Variants in DCDC2C observed in about 807,000 individuals in gnomAD.
The protein encoded by DCDC2C is doublecortin domain-containing protein 2C.
Under a neutral mutation model 45.0 loss-of-function variants are expected in DCDC2C, and 44 were observed. The observed-to-expected ratio is 0.98, with a 90% CI of 0.77 to 1.26. The LOEUF is 1.26. DCDC2C is among the 50% of genes most tolerant of loss of function. The pLI, the probability that DCDC2C is intolerant of heterozygous loss-of-function variation, is 0.00. For synonymous variants in DCDC2C, 187 were observed against 178.8 expected, an observed-to-expected ratio of 1.05 and a Z score of -0.37; for missense variants, 447 against 468.9, an observed-to-expected ratio of 0.95 and a Z score of 0.43.
intron 10 of DCDC2C, among the ~76,000 whole-genome samples, chr2:3,842,757 G>A (rs1025471632): frequency 2.0e-5 from 3 of 152,022 alleles, no homozygotes; most frequent in African/African-American, 2.4e-5. Flanking sequence ...TCCTCCACAC[G>A]GTGACTCAGG....
At chr2:3,800,337 C>G (rs1032044469) in intron 10 of DCDC2C, among the ~76,000 whole-genome samples, 43 of 152,358 alleles carry the variant, frequency 2.8e-4, no homozygotes, top group Admixed American at 7.2e-4. Flanking sequence ...TTCTGTGTCA[C>G]TCACTCTGGG....
chr2:3,712,485 C>G (rs954045962), intron 2 of DCDC2C, among the ~76,000 whole-genome samples: 1 of 106,578 alleles, frequency 9.4e-6, no homozygotes, highest in African/African-American at 4.3e-5. Context: ...GACCCTATCT[C>G]TACAAAAAAA....
At position 3,705,522 on chromosome 2, in the gene DCDC2C, C is replaced by T. The variant is rs578209886; in HGVS notation, c.287+1484C>T. ...CAAAAACTGCCTTTAAAGTCCCTTT[C>T]GATACATATATAATGAAAAGTATTT... On this transcript the variant is annotated intron_variant, in intron 1 of 10. Coordinates refer to ENST00000399143, the MANE Select transcript of DCDC2C (RefSeq NM_001287444.2). 6.6e-5 allele frequency among the ~76,000 whole-genome samples: 10 copies of T among 152,256 alleles called. No individual in the cohort carries two copies. The South Asian group carries it at 1.0e-3, about 16-fold the overall frequency.
chr2:3,754,682 G>A (rs1001326004), intron 6 of DCDC2C, 48 bp downstream of exon 6: 24 of 1,506,024 alleles, frequency 1.6e-5, no homozygotes, highest in Admixed American at 6.0e-5. Flanking sequence ...TGATTCTGGC[G>A]TCTTCTGGCA....
intron 2 of DCDC2C, among the ~76,000 whole-genome samples, chr2:3,723,239 C>A (rs1389000743): frequency 6.6e-6 from 1 of 152,186 alleles, no homozygotes; most frequent in African/African-American, 2.4e-5. Flanking sequence ...AGGGTCCCTG[C>A]TCTCAGAAGC....
chr2:3,740,969 A>G (rs1483125966), intron 3 of DCDC2C, among the ~76,000 whole-genome samples: 1 of 152,194 alleles, frequency 6.6e-6, no homozygotes, highest in Non-Finnish European at 1.5e-5. Flanking sequence ...AAGGATATCA[A>G]TGATATCATT....
At chr2:3,713,565 T>C (rs1246705940) in intron 2 of DCDC2C, among the ~76,000 whole-genome samples, 1 of 152,240 alleles carries the variant, frequency 6.6e-6, no homozygotes, top group Non-Finnish European at 1.5e-5. Context: ...TAAGGCCATG[T>C]GCAGCCCTTC....
chr2:3,711,703 C>G (rs984648064), intron 2 of DCDC2C, among the ~76,000 whole-genome samples: 29 of 150,690 alleles, frequency 1.9e-4, no homozygotes, highest in African/African-American at 7.0e-4. Context: ...TGCCTTTTTG[C>G]TATTTTAAAC....
At position 3,725,164 on chromosome 2, in the gene DCDC2C, G is replaced by A. The variant is rs1668606110; in HGVS notation, c.340-1839G>A. ...CTGGGTGGGTGTGAAGTAGGCAGTA[G>A]GAAGGACACCAAATGAATTTGGCTT... On this transcript the variant is annotated intron_variant, in intron 2 of 10. Transcript: ENST00000399143. Among the ~76,000 whole-genome samples the A allele has an allele frequency of 2.6e-5, 4 of 152,184 alleles. No individual in the cohort carries two copies. In the South Asian group the frequency reaches 8.3e-4, roughly 31 times the overall value.
At chr2:3,719,763 C>T (rs947807089) in intron 2 of DCDC2C, among the ~76,000 whole-genome samples, 1 of 152,218 alleles carries the variant, frequency 6.6e-6, no homozygotes, top group African/African-American at 2.4e-5. Flanking sequence ...TATATAAGGA[C>T]TGTAAGTAAG....
intron 2 of DCDC2C, among the ~76,000 whole-genome samples, chr2:3,711,873 C>T (rs532029392): frequency 3.9e-5 from 6 of 152,296 alleles, no homozygotes; most frequent in East Asian, 1.9e-4. Context: ...CTTCTGACAG[C>T]GTGTGAGATG....
In DCDC2C at chr2:3,735,730, A is replaced by G. The variant is rs558610888; in HGVS notation, c.417-6190A>G. Among the ~76,000 whole-genome samples, 241 of 152,266 alleles carry G rather than the reference A, an allele frequency of 1.6e-3. 5 individuals carry two copies. Among genetic ancestry groups the G allele is most frequent in the South Asian group, 0.015 (70 of 4,818 alleles). ...AAAAAAGGCAGTGCACACATTGATGATGACTGTGAAATACTGTGTGTTAAA... is the reference window on the plus strand; with the variant it reads ...AAAAAAGGCAGTGCACACATTGATGGTGACTGTGAAATACTGTGTGTTAAA... On this transcript the variant is annotated intron_variant, in intron 3 of 10. Coordinates refer to ENST00000399143, the MANE Select transcript of DCDC2C (RefSeq NM_001287444.2).
At chr2:3,842,439 G>C (rs964832913) in intron 10 of DCDC2C, among the ~76,000 whole-genome samples, 6 of 152,050 alleles carry the variant, frequency 3.9e-5, no homozygotes, top group African/African-American at 1.4e-4. Flanking sequence ...GGTGAGGAAG[G>C]GGGTGGTGGG....
At chr2:3,789,963 T>C (rs1670761091) in intron 10 of DCDC2C, among the ~76,000 whole-genome samples, 1 of 152,250 alleles carries the variant, frequency 6.6e-6, no homozygotes. Flanking sequence ...TGCTGTTGCA[T>C]GCTTATTTTC....
intron 10 of DCDC2C, among the ~76,000 whole-genome samples, chr2:3,819,954 G>C (rs893822539): frequency 6.6e-6 from 1 of 152,136 alleles, no homozygotes; most frequent in African/African-American, 2.4e-5. Flanking sequence ...GGCTAGGCCT[G>C]GCGAGGAGCA....
intron 10 of DCDC2C, among the ~76,000 whole-genome samples, chr2:3,826,582 C>T (rs1055766630): frequency 6.6e-6 from 1 of 152,052 alleles, no homozygotes; most frequent in Admixed American, 6.6e-5. Context: ...GGTCACAGGT[C>T]ATTTCCCACA....
intron 2 of DCDC2C, among the ~76,000 whole-genome samples, chr2:3,725,431 C>CCTGGAGGGAGACCG (rs1558564385): frequency 1.9e-5 from 2 of 104,514 alleles, no homozygotes; most frequent in Non-Finnish European, 2.2e-5. Context: ...CCAGGTGGAT[C>CCTGGAGGGAGACCG]CCAGAGGAAG....
Position 3,754,643 on chromosome 2 carries a change from CT to C in DCDC2C, c.726+14del, listed in dbSNP as rs1669639993. 8 of 1,548,290 alleles carry C rather than the reference CT, an allele frequency of 5.2e-6. No individual in the cohort carries two copies. The highest frequency in any genetic ancestry group is 2.0e-5 in the Admixed American group (1 of 50,776). On this transcript the variant is annotated intron_variant, in intron 6 of 10. Transcript: ENST00000399143. ...CACAGAGAAAGAAAAAAGTAAGTAACTTTTTAAAACAAGTAAGTAACTTGTT... is the reference window on the plus strand; with the variant it reads ...CACAGAGAAAGAAAAAAGTAAGTAACTTTTAAAACAAGTAAGTAACTTGTT...
chr2:3,716,107 C>T (rs1473605061), intron 2 of DCDC2C, among the ~76,000 whole-genome samples: 1 of 152,130 alleles, frequency 6.6e-6, no homozygotes, highest in Non-Finnish European at 1.5e-5. Context: ...TGTTGATAGC[C>T]ATGAGTTAGG....
Sources: gnomAD v4.1 joint callset for allele counts (sites outside exome capture counted in the v4.1 genomes callset) on GRCh38, gnomAD v4.1.1 for gene constraint, MANE v1.5 for transcripts, NCBI Gene and HGNC (gene_info 2026-07-23, HGNC 2026-07-21) for gene names.